Variants in LHFPL6 observed in about 807,000 individuals in gnomAD.
The protein encoded by LHFPL6 is LHFPL tetraspan subfamily member 6 protein.
LHFPL6 carries 9 observed loss-of-function variants against 20.6 expected under a neutral mutation model. The ratio of observed to expected loss-of-function variants is 0.44; its 90% CI spans 0.26 to 0.76. The LOEUF is 0.76. LHFPL6 is among the 30% of genes least tolerant of loss of function. The pLI is 0.20. For synonymous variants in LHFPL6, 105 were observed against 98.7 expected (o/e 1.06, Z -0.38); for missense variants, 218 against 253.5 (o/e 0.86, Z 0.95).
At chr13:39,503,701 C>T (rs79405868) in intron 2 of LHFPL6, among the ~76,000 whole-genome samples, 2,080 of 152,214 alleles carry the variant, frequency 0.014, 28 homozygotes, top group Middle Eastern at 0.024. Flanking sequence ...AATACGTAAC[C>T]TTACTATGTC....
intron 2 of LHFPL6, among the ~76,000 whole-genome samples, chr13:39,436,851 C>A (rs1307954055): frequency 2.6e-5 from 4 of 152,168 alleles, no homozygotes; most frequent in East Asian, 1.9e-4. Flanking sequence ...ATGGCCCCAA[C>A]AATGGGAGGT....
intron 2 of LHFPL6, among the ~76,000 whole-genome samples, chr13:39,500,730 T>C (rs1869266012): frequency 6.6e-6 from 1 of 152,262 alleles, no homozygotes; most frequent in African/African-American, 2.4e-5. Context: ...AAATGTATAC[T>C]ACGCCTCTTG....
At chr13:39,561,773 T>C (rs553517228) in intron 2 of LHFPL6, among the ~76,000 whole-genome samples, 47 of 152,304 alleles carry the variant, frequency 3.1e-4, no homozygotes, top group African/African-American at 1.1e-3. Flanking sequence ...TGGCATCTTA[T>C]TTATTCTCAG....
intron 2 of LHFPL6, among the ~76,000 whole-genome samples, chr13:39,406,624 T>C (rs1417327942): frequency 6.6e-6 from 1 of 152,040 alleles, no homozygotes; most frequent in Non-Finnish European, 1.5e-5. Context: ...AACATTAAAA[T>C]TTCAACTTAA....
intron 2 of LHFPL6, among the ~76,000 whole-genome samples, chr13:39,398,406 A>T (rs537493562): frequency 6.6e-6 from 1 of 152,296 alleles, no homozygotes; most frequent in East Asian, 1.9e-4. Context: ...CCTTTAATTT[A>T]CCAAATAGTA....
rs1315262978 is a variant in LHFPL6 at position 39,583,917 on chromosome 13, C to A, written c.385+16915G>T. 3.3e-5 allele frequency among the ~76,000 whole-genome samples: 5 copies of A among 152,214 alleles called. No individual in the cohort carries two copies. In the South Asian group the frequency reaches 1.0e-3, roughly 32 times the overall value. On this transcript the variant is annotated intron_variant, in intron 2 of 3. Transcript: ENST00000379589. ...GGCAACTTGCTCCCTCACACCCAAG[C>A]GCCTCGTCTTGTCCCTGCTGTTCCC... is the stretch of plus-strand genomic sequence containing the variant.
chr13:39,393,967 G>A (rs1870775123), intron 2 of LHFPL6, among the ~76,000 whole-genome samples: 2 of 152,120 alleles, frequency 1.3e-5, no homozygotes, highest in South Asian at 4.2e-4. Flanking sequence ...TAGAGATGGA[G>A]TCTCCCTGTG....
intron 2 of LHFPL6, among the ~76,000 whole-genome samples, chr13:39,420,491 T>C (rs1020349080): frequency 1.3e-5 from 2 of 152,184 alleles, no homozygotes; most frequent in Non-Finnish European, 2.9e-5. Context: ...TTCCTTAATG[T>C]ATCAAAATGA....
intron 2 of LHFPL6, among the ~76,000 whole-genome samples, chr13:39,557,500 C>G (rs73466901): frequency 0.03 from 4,513 of 152,278 alleles, 177 homozygotes; most frequent in East Asian, 0.089. Context: ...GTACACAGTC[C>G]CCACCAGGGC....
chr13:39,416,323 T>C (rs1336200580), intron 2 of LHFPL6, among the ~76,000 whole-genome samples: 1 of 151,596 alleles, frequency 6.6e-6, no homozygotes, highest in Non-Finnish European at 1.5e-5. Flanking sequence ...ATATTACAGA[T>C]GCTTAGCACA....
chr13:39,478,116 G>A (rs976775691), intron 2 of LHFPL6, among the ~76,000 whole-genome samples: 1 of 152,170 alleles, frequency 6.6e-6, no homozygotes, highest in East Asian at 1.9e-4. Context: ...TGTTTACTGA[G>A]CACTTACTGT....
intron 3 of LHFPL6, among the ~76,000 whole-genome samples, chr13:39,352,883 GTATATATATGTGTATATATATATAAA>G (rs1869612315): frequency 1.9e-5 from 1 of 51,490 alleles, no homozygotes; most frequent in African/African-American, 6.8e-5. Flanking sequence ...ATATATAAAT[GTATATATATGTGTATATATATATAAA>G]TGTATATATA....
chr13:39,375,987 G>A (rs1348011792), intron 3 of LHFPL6, among the ~76,000 whole-genome samples: 2 of 151,994 alleles, frequency 1.3e-5, no homozygotes, highest in African/African-American at 4.8e-5. Flanking sequence ...GTTTTAGAGT[G>A]TATAATAACA....
At chr13:39,487,502 G>A (rs1868765217) in intron 2 of LHFPL6, among the ~76,000 whole-genome samples, 1 of 152,026 alleles carries the variant, frequency 6.6e-6, no homozygotes, top group Admixed American at 6.5e-5. Flanking sequence ...AAAATAATAG[G>A]GCTCAGCATC....
chr13:39,576,536 T>A (rs574177118), intron 2 of LHFPL6, among the ~76,000 whole-genome samples: 1 of 152,300 alleles, frequency 6.6e-6, no homozygotes, highest in Admixed American at 6.5e-5. Flanking sequence ...GGAATTCAAA[T>A]CTCTGGCTTT....
At chr13:39,401,466 A>C (rs1870988977) in intron 2 of LHFPL6, among the ~76,000 whole-genome samples, 1 of 152,200 alleles carries the variant, frequency 6.6e-6, no homozygotes, top group Non-Finnish European at 1.5e-5. Context: ...CAGATTCAAT[A>C]AGGTGTGGAG....
intron 2 of LHFPL6, among the ~76,000 whole-genome samples, chr13:39,596,988 C>T (rs183201805): frequency 1.9e-3 from 291 of 152,294 alleles, no homozygotes; most frequent in African/African-American, 6.8e-3. Context: ...GGCAATGACG[C>T]TTTCATAACA....
At chr13:39,470,033 T>G (rs1253947621) in intron 2 of LHFPL6, among the ~76,000 whole-genome samples, 1 of 152,170 alleles carries the variant, frequency 6.6e-6, no homozygotes, top group South Asian at 2.1e-4. Flanking sequence ...AGAAGCAATA[T>G]GTATCTGCAG....
At chr13:39,539,240 G>T (rs1870721401) in intron 2 of LHFPL6, among the ~76,000 whole-genome samples, 1 of 151,872 alleles carries the variant, frequency 6.6e-6, no homozygotes, top group African/African-American at 2.4e-5. Flanking sequence ...GGAACATATG[G>T]TTTCATATTA....
Sources: gnomAD v4.1 joint callset for allele counts (sites outside exome capture counted in the v4.1 genomes callset) on GRCh38, gnomAD v4.1.1 for gene constraint, MANE v1.5 for transcripts, NCBI Gene and HGNC (gene_info 2026-07-23, HGNC 2026-07-21) for gene names.